The following OGDH variants were observed in gnomAD, a reference collection of about 807,000 sequenced individuals.
OGDH encodes the protein oxoglutarate dehydrogenase.
A neutral mutation model predicts 116.6 loss-of-function variants in OGDH; 38 were observed. The ratio of observed to expected loss-of-function variants is 0.33; its 90% CI spans 0.25 to 0.43. The LOEUF is 0.43. OGDH is among the 20% of genes least tolerant of loss of function. The pLI is 1.00. For missense variants in OGDH, 825 were observed against 1,357.2 expected, an observed-to-expected ratio of 0.61 and a Z score of 6.16; for synonymous variants, 488 against 533.3, an observed-to-expected ratio of 0.92 and a Z score of 1.17.
rs1387788885 is a variant in OGDH at position 44,708,919 on chromosome 7, A to G, written c.*920A>G. 3.3e-5 allele frequency: 5 copies of G among 151,816 alleles called. No homozygotes were observed. The highest frequency in any genetic ancestry group is 2.6e-4 in the Admixed American group (4 of 15,248). 9.4% of individuals were successfully genotyped at this position (151,816 alleles called of 1,614,324 possible). On this transcript the variant is annotated 3_prime_UTR_variant, in exon 23 of 23. Transcript: ENST00000222673. Reference sequence around the variant, plus strand: ...GGGGCTGGGGGTGAGGGGCCAGGCCATGGCCAAGGGGCCAGCTGCCCCTCA... The same window carrying G: ...GGGGCTGGGGGTGAGGGGCCAGGCCGTGGCCAAGGGGCCAGCTGCCCCTCA...
chr7:44,611,406 C>G (rs578216638), intron 1 of OGDH, among the ~76,000 whole-genome samples: 1 of 152,150 alleles, frequency 6.6e-6, no homozygotes, highest in Admixed American at 6.5e-5. Flanking sequence ...GTAGCTGGGA[C>G]TACAGGTGCC....
rs1204422708 is a variant in OGDH, at chr7:44,675,220, G to A, written c.978G>A (p.Leu326=). 1 of 1,614,182 alleles carries A rather than the reference G, an allele frequency of 6.2e-7. No homozygotes were observed. The highest frequency in any genetic ancestry group is 1.7e-5 in the Admixed American group (1 of 60,014). ...TTGCAAATGTCATCAGGAAGGAGCT[G>A]GAACAGATCTTCTGTCAATTCGATT... ...NVLANVIRKE[L]EQIFCQFDSK... The change falls in exon 8 of 23, where the codon CTG becomes CTA. Residue 326 remains leucine (L), a synonymous_variant. Transcript: ENST00000222673.
intron 2 of OGDH, among the ~76,000 whole-genome samples, chr7:44,627,438 A>G (rs1468045025): frequency 6.6e-6 from 1 of 152,252 alleles, no homozygotes; most frequent in Non-Finnish European, 1.5e-5. Context: ...GTTTAAATAG[A>G]CATAATAATA....
chr7:44,607,314 C>T (rs1349577684), intron 1 of OGDH, among the ~76,000 whole-genome samples: 1 of 152,218 alleles, frequency 6.6e-6, no homozygotes, highest in African/African-American at 2.4e-5. Flanking sequence ...CACCATTTTC[C>T]CTCGAAAATA....
In OGDH at chr7:44,700,138, C is replaced by T. The variant is rs908177897; in HGVS notation, c.2431-3C>T. The T allele has an allele frequency of 3.1e-6, 5 of 1,613,916 alleles. No homozygotes were observed. The East Asian group carries it at 8.9e-5, about 29-fold the overall frequency. On this transcript the variant is annotated splice_region_variant and splice_polypyrimidine_tract_variant and intron_variant, in intron 18 of 22. Coordinates refer to ENST00000222673, the MANE Select transcript of OGDH (RefSeq NM_002541.4). ...CCTCTGGCCATTTCCTTCCCTGCTG[C>T]AGGACCTTAAAGAAGCCAACTTCGA... is the stretch of plus-strand genomic sequence containing the variant.
chr7:44,638,409 T>C (rs1785771586), intron 2 of OGDH, among the ~76,000 whole-genome samples: 1 of 152,220 alleles, frequency 6.6e-6, no homozygotes, highest in Non-Finnish European at 1.5e-5. Context: ...GTTTCTATTA[T>C]AGGAAACTTA....
rs137915798 is a variant in OGDH at position 44,666,637 on chromosome 7, C to T, written c.518-99C>T. ...ATGATTTTTTTCTTCTCTTTTTGCT[C>T]ACCTGGGGAGTTCCTTCCCCTTTCC... On this transcript the variant is annotated intron_variant, in intron 4 of 22. Coordinates refer to ENST00000222673, the MANE Select transcript of OGDH (RefSeq NM_002541.4). 5.1e-4 allele frequency: 262 copies of T among 512,732 alleles called. 2 individuals carry two copies. In the East Asian group the frequency reaches 7.7e-3, roughly 15 times the overall value. 31.8% of individuals were successfully genotyped at this position (512,732 alleles called of 1,614,324 possible).
In OGDH at chr7:44,707,206, C is replaced by T. The variant is rs770583012; in HGVS notation, c.2633-19C>T. The T allele has an allele frequency of 6.2e-7, 1 of 1,613,202 alleles. No individual in the cohort carries two copies. Among genetic ancestry groups the T allele is most frequent in the Non-Finnish European group, 8.5e-7 (1 of 1,179,474 alleles). ...ACATACCTGAGAGAACCAGCCTAGC[C>T]ATGGGAACTCTCTTGTAGGAACCCA... On this transcript the variant is annotated intron_variant, in intron 20 of 22. Transcript: ENST00000222673. The surrounding 1 kb of genome is among the most constrained non-coding windows in gnomAD (Gnocchi z 5.2).
At chr7:44,617,079 C>G (rs1394053187) in intron 1 of OGDH, among the ~76,000 whole-genome samples, 1 of 150,450 alleles carries the variant, frequency 6.6e-6, no homozygotes, top group Non-Finnish European at 1.5e-5. Flanking sequence ...TACAGGCACC[C>G]GCCACAATGC....
chr7:44,666,024 T>C (rs1210313722), intron 4 of OGDH, among the ~76,000 whole-genome samples: 1 of 152,190 alleles, frequency 6.6e-6, no homozygotes, highest in African/African-American at 2.4e-5. Flanking sequence ...CGCTGAGTGA[T>C]TGGAGTCAGG....
At chr7:44,689,115 G>A (rs931912906) in intron 10 of OGDH, among the ~76,000 whole-genome samples, 1 of 151,436 alleles carries the variant, frequency 6.6e-6, no homozygotes, top group Non-Finnish European at 1.5e-5. Flanking sequence ...TAGATCATGT[G>A]GTATCTCTGT....
intron 20 of OGDH, among the ~76,000 whole-genome samples, chr7:44,705,105 T>C (rs1167281594): frequency 3.8e-5 from 5 of 130,254 alleles, no homozygotes; most frequent in Non-Finnish European, 7.7e-5. Flanking sequence ...CAGGCTGGAG[T>C]GCAGTGGCGG....
chr7:44,625,804 T>TA (rs976197513), intron 2 of OGDH, among the ~76,000 whole-genome samples: 1 of 151,310 alleles, frequency 6.6e-6, no homozygotes, highest in South Asian at 2.1e-4. Context: ...TAGTGACACT[T>TA]ACGAATTTTT....
At chr7:44,676,247 C>G in intron 9 of OGDH, 98 bp downstream of exon 9, 1 of 1,598,662 alleles carries the variant, frequency 6.3e-7, no homozygotes, top group Non-Finnish European at 8.5e-7. Flanking sequence ...CTGGGTGCAT[C>G]TAGACTTTAA....
chr7:44,697,059 A>G lies in OGDH; in HGVS notation c.2046A>G (p.Thr682=), dbSNP rs778506387. 6.2e-7 allele frequency: 1 copy of G among 1,613,628 alleles called. No homozygotes were observed. The highest frequency in any genetic ancestry group is 8.5e-7 in the Non-Finnish European group (1 of 1,179,546). Reference sequence around the variant, plus strand: ...GCGGCCAGGACGTGGAGCGGGGCACATTCAGGTAACGTTCTGGGCAGTTTT... The same window carrying G: ...GCGGCCAGGACGTGGAGCGGGGCACGTTCAGGTAACGTTCTGGGCAGTTTT... ...RLSGQDVERG[T]FSHRHHVLHD... The change falls in exon 15 of 23, where the codon ACA becomes ACG. Residue 682 remains threonine, a synonymous_variant. Transcript: ENST00000222673. This position sits in a 1 kb window ranked among gnomAD's most constrained non-coding sequence, Gnocchi z 6.0.
chr7:44,642,459 C>T (rs1473985413), intron 2 of OGDH, among the ~76,000 whole-genome samples: 3 of 151,764 alleles, frequency 2.0e-5, no homozygotes, highest in African/African-American at 7.3e-5. Context: ...AAGTTTGCAG[C>T]CTTTTTTCAT....
At chr7:44,641,314 C>T (rs905340040) in intron 2 of OGDH, among the ~76,000 whole-genome samples, 1 of 150,472 alleles carries the variant, frequency 6.6e-6, no homozygotes, top group Non-Finnish European at 1.5e-5. Context: ...CAACCTCTGC[C>T]TCCCAGGTTC....
chr7:44,704,621 G>A (rs1314577396), intron 20 of OGDH, among the ~76,000 whole-genome samples: 1 of 151,998 alleles, frequency 6.6e-6, no homozygotes, highest in African/African-American at 2.4e-5. Context: ...AATATAATTT[G>A]CAAATATTTT....
intron 5 of OGDH, among the ~76,000 whole-genome samples, chr7:44,672,477 T>C (rs998995180): frequency 1.3e-5 from 2 of 152,094 alleles, no homozygotes; most frequent in Non-Finnish European, 2.9e-5. Context: ...CTGTAAAGTG[T>C]CTGTTGGCCC....
Sources: gnomAD v4.1 joint callset for allele counts (sites outside exome capture counted in the v4.1 genomes callset) on GRCh38, gnomAD v4.1.1 for gene constraint, Gnocchi (gnomAD v3.1) non-coding constraint, MANE v1.5 for transcripts, NCBI Gene and HGNC (gene_info 2026-07-23, HGNC 2026-07-21) for gene names.